Variants in PNPLA1 observed in about 807,000 individuals in gnomAD.
PNPLA1 encodes the protein omega-hydroxyceramide transacylase.
A neutral mutation model predicts 51.7 loss-of-function variants in PNPLA1; 36 were observed. That is an observed-to-expected ratio of 0.70 (90% CI 0.53 to 0.92). The LOEUF (loss-of-function observed/expected upper bound fraction) is 0.92. PNPLA1 is among the 40% of genes least tolerant of loss of function. The pLI, the probability that PNPLA1 is intolerant of heterozygous loss-of-function variation, is 0.00. For synonymous variants in PNPLA1, 293 were observed against 280.1 expected, an observed-to-expected ratio of 1.05 and a Z score of -0.46; for missense variants, 658 against 682.5, an observed-to-expected ratio of 0.96 and a Z score of 0.40.
At position 36,285,372 on chromosome 6, in the gene PNPLA1, T is replaced by C. The variant is rs577788843; in HGVS notation, c.206-5948T>C. On this transcript the variant is annotated intron_variant, in intron 1 of 8. Coordinates refer to ENST00000636260, the MANE Select transcript of PNPLA1 (RefSeq NM_001374623.1). ...CTAGGCTACCAGTGCGCCCTGAGCCTGGGGCCCCGCAGTCCCATCCTCTGT... is the reference window on the plus strand; with the variant it reads ...CTAGGCTACCAGTGCGCCCTGAGCCCGGGGCCCCGCAGTCCCATCCTCTGT... Among the ~76,000 whole-genome samples the C allele has an allele frequency of 2.2e-4, 34 of 152,312 alleles. 1 individual carries two copies. The South Asian group carries it at 3.5e-3, about 16-fold the overall frequency.
At chr6:36,247,614 G>T (rs1769323691) in intron 1 of PNPLA1, among the ~76,000 whole-genome samples, 1 of 152,178 alleles carries the variant, frequency 6.6e-6, no homozygotes, top group Admixed American at 6.5e-5. Context: ...GTTTACCATA[G>T]TATCTGGGGA....
At chr6:36,267,382 C>G (rs1407667702), upstream of PNPLA1, among the ~76,000 whole-genome samples, 2 of 152,168 alleles carry the variant, frequency 1.3e-5, no homozygotes, top group African/African-American at 2.4e-5. Context: ...CCTTTGGGGT[C>G]CAGGTTAGCA....
At chr6:36,247,662 G>A (rs1031211372) in intron 1 of PNPLA1, among the ~76,000 whole-genome samples, 1 of 152,222 alleles carries the variant, frequency 6.6e-6, no homozygotes, top group African/African-American at 2.4e-5. Context: ...GTCCAAGGGG[G>A]CTAGAGGAGG....
rs1770812289 is a variant in PNPLA1 at position 36,294,943 on chromosome 6, G to A, written c.715-421G>A. On this transcript the variant is annotated intron_variant, in intron 4 of 8. Transcript: ENST00000636260. The surrounding 1 kb of genome is among the most constrained non-coding windows in gnomAD (Gnocchi z 4.2). The stretch of plus-strand genomic sequence containing the variant: ...CATGTAATCCTCTAGCATCCTCTAT[G>A]ATCAATATTATAACTGTCCCCATTT... 6.6e-6 allele frequency among the ~76,000 whole-genome samples: 1 copy of A among 152,210 alleles called. No homozygotes were observed. The highest frequency in any genetic ancestry group is 2.4e-5 in the African/African-American group (1 of 41,452).
At chr6:36,279,645 C>T (rs985882433) in intron 1 of PNPLA1, among the ~76,000 whole-genome samples, 9 of 152,138 alleles carry the variant, frequency 5.9e-5, no homozygotes, top group Non-Finnish European at 1.2e-4. Flanking sequence ...CTTGGCTGGC[C>T]AGGGACCCAT....
At chr6:36,255,118 G>A (rs1483204671) in intron 1 of PNPLA1, among the ~76,000 whole-genome samples, 2 of 152,136 alleles carry the variant, frequency 1.3e-5, no homozygotes, top group African/African-American at 2.4e-5. Context: ...CGTAATCCCA[G>A]CACTTTGGGA....
chr6:36,252,978 C>T (rs543262030), intron 1 of PNPLA1, among the ~76,000 whole-genome samples: 7 of 152,178 alleles, frequency 4.6e-5, no homozygotes, highest in African/African-American at 7.2e-5. Context: ...CTCAGGGGTT[C>T]GAAACCAGCC....
chr6:36,278,930 C>A (rs12526665), intron 1 of PNPLA1, among the ~76,000 whole-genome samples: 18,911 of 152,154 alleles, frequency 0.12, 1,644 homozygotes, highest in Admixed American at 0.23. Flanking sequence ...GGTCAGCATG[C>A]GTGCTCAAAG....
intron 8 of PNPLA1, chr6:36,308,039 G>A: frequency 5.3e-6 from 1 of 189,396 alleles, no homozygotes; most frequent in Non-Finnish European, 1.1e-5. Context: ...CAATAAGTAG[G>A]TATTATGTTT....
At position 36,313,500 on chromosome 6, in the gene PNPLA1, C is replaced by T. The variant is rs1377932226; in HGVS notation, c.*1614C>T. ...ATATGCAAATTTAAGCCTGGTGGGGCTGGGGATTTAGAGGGTTGGGGCTTG... is the reference window on the plus strand; with the variant it reads ...ATATGCAAATTTAAGCCTGGTGGGGTTGGGGATTTAGAGGGTTGGGGCTTG... On this transcript the variant is annotated 3_prime_UTR_variant, in exon 9 of 9. Transcript: ENST00000636260. Among the ~76,000 whole-genome samples the T allele has an allele frequency of 6.6e-6, 1 of 152,160 alleles. No homozygotes were observed. The highest frequency in any genetic ancestry group is 2.4e-5 in the African/African-American group (1 of 41,432).
intron 8 of PNPLA1, among the ~76,000 whole-genome samples, chr6:36,308,853 G>A (rs1771322065): frequency 6.6e-6 from 1 of 152,188 alleles, no homozygotes. Context: ...GAATTGGCCA[G>A]GCATGTTGAC....
chr6:36,248,969 G>A (rs1186782336), intron 1 of PNPLA1, among the ~76,000 whole-genome samples: 1 of 152,216 alleles, frequency 6.6e-6, no homozygotes, highest in African/African-American at 2.4e-5. Context: ...GAGGCCCAAT[G>A]GGGAAGGTGC....
intron 1 of PNPLA1, among the ~76,000 whole-genome samples, chr6:36,273,952 G>C (rs757895601): frequency 2.0e-5 from 3 of 152,076 alleles, no homozygotes; most frequent in Non-Finnish European, 4.4e-5. Flanking sequence ...CAGAAGTCCA[G>C]GGAAGGGTGA....
chr6:36,264,243 G>T (rs914235715), intron 1 of PNPLA1, among the ~76,000 whole-genome samples: 1 of 152,180 alleles, frequency 6.6e-6, no homozygotes, highest in Non-Finnish European at 1.5e-5. Flanking sequence ...TACACAAAAG[G>T]ATTCACTGTG....
intron 1 of PNPLA1, among the ~76,000 whole-genome samples, chr6:36,289,811 C>T (rs1447259381): frequency 6.6e-6 from 1 of 151,368 alleles, no homozygotes; most frequent in Non-Finnish European, 1.5e-5. Flanking sequence ...GCTTTTCTTA[C>T]TCACCTCCAG....
chr6:36,246,097 G>A (rs572084034), intron 1 of PNPLA1, among the ~76,000 whole-genome samples: 48 of 152,262 alleles, frequency 3.2e-4, no homozygotes, highest in African/African-American at 7.7e-4. Context: ...GCACATACAC[G>A]CTCATCTACT....
chr6:36,308,695 TTTTAA>T (rs1771318951), intron 8 of PNPLA1: 1 of 152,152 alleles, frequency 6.6e-6, no homozygotes, highest in Admixed American at 6.5e-5. Flanking sequence ...CTAAACCAAG[TTTTAA>T]TTTTTTTACC....
At chr6:36,248,554 C>T (rs1769353188) in intron 1 of PNPLA1, among the ~76,000 whole-genome samples, 1 of 150,512 alleles carries the variant, frequency 6.6e-6, no homozygotes, top group Non-Finnish European at 1.5e-5. Flanking sequence ...CGGAGTCTTG[C>T]TCTGTCGCCC....
chr6:36,286,306 T>C (rs114449513), intron 1 of PNPLA1, among the ~76,000 whole-genome samples: 3,220 of 152,256 alleles, frequency 0.021, 109 homozygotes, highest in African/African-American at 0.069. Flanking sequence ...TTCCAAGAAA[T>C]GGATGTGGTC....
Sources: allele counts gnomAD v4.1 joint callset (sites outside exome capture counted in the v4.1 genomes callset), GRCh38; gene constraint gnomAD v4.1.1; non-coding constraint Gnocchi (gnomAD v3.1); transcripts MANE v1.5; gene names NCBI Gene and HGNC (gene_info 2026-07-23, HGNC 2026-07-21).